The following AIG1 variants were observed in gnomAD, a reference collection of about 807,000 sequenced individuals.
AIG1 encodes the protein androgen induced 1.
AIG1 carries 23 observed loss-of-function variants against 31.4 expected under a neutral mutation model. The ratio of observed to expected loss-of-function variants is 0.73; its 90% CI spans 0.53 to 1.04. The LOEUF is 1.04. Ranked by LOEUF, AIG1 falls within the 50% of genes least tolerant of loss-of-function variation. AIG1 has a pLI of 0.00. For synonymous variants in AIG1, 100 were observed against 110.5 expected, an observed-to-expected ratio of 0.90 and a Z score of 0.60; for missense variants, 274 against 295.0, an observed-to-expected ratio of 0.93 and a Z score of 0.52.
intron 1 of AIG1, among the ~76,000 whole-genome samples, chr6:143,100,359 T>A (rs1205663808): frequency 1.3e-5 from 2 of 152,212 alleles, no homozygotes; most frequent in Non-Finnish European, 2.9e-5. Context: ...TTAAAAATAT[T>A]CTTTTGATTT....
At chr6:143,191,759 TTAG>T (rs1457894282) in intron 3 of AIG1, among the ~76,000 whole-genome samples, 4 of 152,072 alleles carry the variant, frequency 2.6e-5, no homozygotes, top group Non-Finnish European at 4.4e-5. Context: ...ACATTTTACT[TTAG>T]ATTACATTTA....
In AIG1 at chr6:143,333,980, G is replaced by A. The variant is rs1742383703; in HGVS notation, c.679+535G>A. The A allele has an allele frequency of 2.2e-6, 3 of 1,349,580 alleles. No homozygotes were observed. The highest frequency in any genetic ancestry group is 1.5e-5 in the African/African-American group (1 of 68,730). The allele number at this position is 1,349,580 out of a possible 1,614,324, so 83.6% of individuals were successfully genotyped here. On this transcript the variant is annotated intron_variant, in intron 5 of 5. Coordinates refer to ENST00000357847, the MANE Select transcript of AIG1 (RefSeq NM_016108.4). The surrounding 1 kb of genome is among the most constrained non-coding windows in gnomAD (Gnocchi z 4.6). ...AGTGGCTGTCACGGAAAGTCTGAAAGTGGCAAAGAGCTACAAGCAGTAAAA... is the reference window on the plus strand; with the variant it reads ...AGTGGCTGTCACGGAAAGTCTGAAAATGGCAAAGAGCTACAAGCAGTAAAA...
intron 2 of AIG1, among the ~76,000 whole-genome samples, chr6:143,151,743 T>C (rs1785252062): frequency 6.6e-6 from 1 of 152,230 alleles, no homozygotes. Context: ...GAAAAAATTA[T>C]CAGGTGGACT....
intron 1 of AIG1, among the ~76,000 whole-genome samples, chr6:143,084,541 G>A (rs1778589672): frequency 6.6e-6 from 1 of 152,174 alleles, no homozygotes. Flanking sequence ...AACCGAGGTT[G>A]CCAAGTTCAG....
At chr6:143,168,486 C>T (rs1288845218) in intron 3 of AIG1, among the ~76,000 whole-genome samples, 1 of 150,656 alleles carries the variant, frequency 6.6e-6, no homozygotes, top group Non-Finnish European at 1.5e-5. Context: ...CAATTCCCAC[C>T]TATGAGTGAG....
At chr6:143,155,470 A>C (rs1366180252) in intron 2 of AIG1, among the ~76,000 whole-genome samples, 1 of 152,054 alleles carries the variant, frequency 6.6e-6, no homozygotes, top group South Asian at 2.1e-4. Flanking sequence ...GGAAGGGAGC[A>C]ACATTGATGG....
In AIG1 at chr6:143,268,396, G is replaced by A. The variant is rs527390918; in HGVS notation, c.400-15714G>A. The stretch of plus-strand genomic sequence containing the variant: ...GGTCTAACGTGTGCCTTATTCAGCT[G>A]AATAAGGTGTTGAATAGCTACAAAT... On this transcript the variant is annotated intron_variant, in intron 3 of 5. Coordinates refer to ENST00000357847, the MANE Select transcript of AIG1 (RefSeq NM_016108.4). The surrounding 1 kb of genome is among the most constrained non-coding windows in gnomAD (Gnocchi z 5.0). Among the ~76,000 whole-genome samples, 18 of 152,272 alleles carry A rather than the reference G, an allele frequency of 1.2e-4. No individual in the cohort carries two copies. Among genetic ancestry groups the A allele is most frequent in the Admixed American group, 1.2e-3 (18 of 15,304 alleles).
At chr6:143,314,240 C>T (rs944225257) in intron 4 of AIG1, among the ~76,000 whole-genome samples, 1 of 149,604 alleles carries the variant, frequency 6.7e-6, no homozygotes, top group African/African-American at 2.5e-5. Flanking sequence ...GTAGCCCATG[C>T]CTATAGTCCC....
At chr6:143,251,888 T>C (rs1249459721) in intron 3 of AIG1, among the ~76,000 whole-genome samples, 1 of 152,228 alleles carries the variant, frequency 6.6e-6, no homozygotes, top group Non-Finnish European at 1.5e-5. Flanking sequence ...ATAAATTCCA[T>C]TACATCTTCT....
At chr6:143,062,675 A>G (rs972727786) in intron 1 of AIG1, among the ~76,000 whole-genome samples, 9 of 152,210 alleles carry the variant, frequency 5.9e-5, no homozygotes, top group African/African-American at 2.2e-4. Flanking sequence ...TCTGATGCAT[A>G]TGTATATGAA....
At position 143,238,311 on chromosome 6, in the gene AIG1, G is replaced by T. The variant is rs184595764; in HGVS notation, c.400-45799G>T. On this transcript the variant is annotated intron_variant, in intron 3 of 5. Transcript: ENST00000357847. ...TTTGTGCTCAAAGTTATGGTCTCCTGTCCACAAAATGGCTCCTGTTGTGCC... is the reference window on the plus strand; with the variant it reads ...TTTGTGCTCAAAGTTATGGTCTCCTTTCCACAAAATGGCTCCTGTTGTGCC... 1.1e-3 allele frequency among the ~76,000 whole-genome samples: 169 copies of T among 152,260 alleles called. 1 individual carries two copies. The highest frequency in any genetic ancestry group is 2.6e-3 in the African/African-American group (110 of 41,556).
At chr6:143,156,549 A>G (rs1470498911) in intron 2 of AIG1, among the ~76,000 whole-genome samples, 1 of 152,212 alleles carries the variant, frequency 6.6e-6, no homozygotes, top group African/African-American at 2.4e-5. Context: ...ATTTATTACA[A>G]ATATGTTCAT....
At chr6:143,304,255 A>T (rs7383050) in intron 4 of AIG1, among the ~76,000 whole-genome samples, 35,782 of 146,518 alleles carry the variant, frequency 0.24, 3,700 homozygotes, top group East Asian at 0.41. Context: ...AGAACTTCCA[A>T]CACTATGTTG....
At chr6:143,242,812 A>G (rs1346011873) in intron 3 of AIG1, among the ~76,000 whole-genome samples, 1 of 152,228 alleles carries the variant, frequency 6.6e-6, no homozygotes, top group African/African-American at 2.4e-5. Flanking sequence ...TTTTTTACAA[A>G]TAGTAATGTT....
chr6:143,318,509 G>C (rs1234544015), intron 4 of AIG1, among the ~76,000 whole-genome samples: 1 of 151,942 alleles, frequency 6.6e-6, no homozygotes, highest in South Asian at 2.1e-4. Flanking sequence ...TTAAATCCAA[G>C]ACCTAAAACC....
intron 3 of AIG1, among the ~76,000 whole-genome samples, chr6:143,192,597 C>T (rs1789887453): frequency 6.7e-6 from 1 of 148,776 alleles, no homozygotes. Flanking sequence ...CAGAGCGAGA[C>T]TCCATCTCAA....
chr6:143,231,648 TATTTA>T (rs1023077267), intron 3 of AIG1, among the ~76,000 whole-genome samples: 1 of 152,236 alleles, frequency 6.6e-6, no homozygotes, highest in African/African-American at 2.4e-5. Context: ...TAGTATATCT[TATTTA>T]ATTCAACAAA....
chr6:143,139,323 C>G (rs1784056689), intron 2 of AIG1, among the ~76,000 whole-genome samples: 1 of 141,520 alleles, frequency 7.1e-6, no homozygotes, highest in Non-Finnish European at 1.5e-5. Context: ...AACCAGAAGT[C>G]CCAGCATCAC....
chr6:143,061,373 A>G, intron 1 of AIG1: 1 of 498,022 alleles, frequency 2.0e-6, no homozygotes, highest in South Asian at 1.6e-5. Context: ...AACTGCTTCT[A>G]AGAGGTGACA....
Sources: allele counts gnomAD v4.1 joint callset (sites outside exome capture counted in the v4.1 genomes callset), GRCh38; gene constraint gnomAD v4.1.1; non-coding constraint Gnocchi (gnomAD v3.1); transcripts MANE v1.5; gene names NCBI Gene and HGNC (gene_info 2026-07-23, HGNC 2026-07-21).